AXDND1: variants seen among roughly 807,000 people sequenced by gnomAD.
AXDND1 encodes the protein axonemal dynein light chain domain containing 1.
Under a neutral mutation model 137.5 loss-of-function variants are expected in AXDND1, and 110 were observed. The ratio of observed to expected loss-of-function variants is 0.80; its 90% CI spans 0.69 to 0.94. AXDND1 has a LOEUF of 0.94. Ranked by LOEUF, AXDND1 falls within the 40% of genes least tolerant of loss-of-function variation. The pLI is 0.00. For missense variants in AXDND1, 1,191 were observed against 1,169.8 expected, an observed-to-expected ratio of 1.02 and a Z score of -0.26; for synonymous variants, 414 against 399.7, an observed-to-expected ratio of 1.04 and a Z score of -0.43.
At chr1:179,503,351 A>G (rs1005279996) in intron 20 of AXDND1, among the ~76,000 whole-genome samples, 2 of 151,952 alleles carry the variant, frequency 1.3e-5, no homozygotes, top group Non-Finnish European at 2.9e-5. Flanking sequence ...TATAAAATTT[A>G]TGTACAACAT....
chr1:179,402,179 A>AT (rs2125176939), intron 11 of AXDND1, among the ~76,000 whole-genome samples: 1 of 152,062 alleles, frequency 6.6e-6, no homozygotes, highest in Non-Finnish European at 1.5e-5. Flanking sequence ...AAAAAAAAAA[A>AT]AAATCACCCT....
chr1:179,519,419 T>A (rs1669852213), intron 21 of AXDND1, among the ~76,000 whole-genome samples: 1 of 152,238 alleles, frequency 6.6e-6, no homozygotes, highest in African/African-American at 2.4e-5. Context: ...TTTTTGCTTC[T>A]GTTGCAATTG....
chr1:179,393,184 T>C (rs920167250), intron 9 of AXDND1, among the ~76,000 whole-genome samples: 2 of 152,228 alleles, frequency 1.3e-5, no homozygotes, highest in African/African-American at 4.8e-5. Flanking sequence ...CTTCTACATA[T>C]GGCTTGCCAA....
rs1345156350 is a variant in AXDND1 at position 179,379,263 on chromosome 1, T to A, written c.496-134T>A. The A allele has an allele frequency of 4.5e-6, 4 of 882,284 alleles. No homozygotes were observed. In the African/African-American group the frequency reaches 6.9e-5, roughly 15 times the overall value. The allele number at this position is 882,284 out of a possible 1,614,324, so 54.7% of individuals were successfully genotyped here. The stretch of plus-strand genomic sequence containing the variant: ...TTTGCTATGACCCACATTGCTAATA[T>A]TGTTATTTCTCCAATCAAAATTTTT... On this transcript the variant is annotated intron_variant, in intron 5 of 25. Transcript: ENST00000367618.
chr1:179,546,754 T>C (rs532228977), intron 25 of AXDND1, among the ~76,000 whole-genome samples: 24 of 152,208 alleles, frequency 1.6e-4, no homozygotes, highest in South Asian at 8.3e-4. Context: ...CATACCATAG[T>C]GTACTTAAGG....
chr1:179,456,902 TC>T (rs1661490063), intron 16 of AXDND1: 19 of 1,058,238 alleles, frequency 1.8e-5, no homozygotes, highest in Non-Finnish European at 2.2e-5. Flanking sequence ...AGGCAAAGCC[TC>T]TTTTCTTGCC....
chr1:179,541,673 ATAATAATAT>A (rs1672169015), intron 25 of AXDND1, among the ~76,000 whole-genome samples: 2 of 135,456 alleles, frequency 1.5e-5, no homozygotes, highest in Admixed American at 7.5e-5. Flanking sequence ...GATAATATGC[ATAATAATAT>A]TGCATGATAA....
At chr1:179,544,846 A>T (rs1384567442) in intron 25 of AXDND1, 1 of 152,172 alleles carries the variant, frequency 6.6e-6, no homozygotes, top group African/African-American at 2.4e-5. Flanking sequence ...CAGAAGGTAA[A>T]ACTGAGGCCC....
chr1:179,513,751 G>T (rs550443730), intron 21 of AXDND1, among the ~76,000 whole-genome samples: 1 of 151,936 alleles, frequency 6.6e-6, no homozygotes, highest in East Asian at 1.9e-4. Context: ...GCTTGCTATT[G>T]GTCTGTTCAG....
intron 25 of AXDND1, chr1:179,550,571 G>A (rs1673110077): frequency 1.3e-5 from 2 of 152,896 alleles, no homozygotes; most frequent in Non-Finnish European, 2.9e-5. Context: ...GGGATAAATT[G>A]TATATCCGAC....
intron 15 of AXDND1, among the ~76,000 whole-genome samples, chr1:179,444,414 T>A (rs1659441517): frequency 6.6e-6 from 1 of 152,094 alleles, no homozygotes; most frequent in African/African-American, 2.4e-5. Flanking sequence ...CCATGCTAAT[T>A]ACTCTTATTG....
At chr1:179,393,796 C>G (rs1650576163) in intron 9 of AXDND1, 107 bp from the exon 10 acceptor site, 1 of 824,614 alleles carries the variant, frequency 1.2e-6, no homozygotes. Context: ...GCTTGGTTTT[C>G]TTGGTGTATA....
At chr1:179,441,221 A>G (rs1658938200) in intron 15 of AXDND1, among the ~76,000 whole-genome samples, 1 of 152,218 alleles carries the variant, frequency 6.6e-6, no homozygotes, top group Admixed American at 6.5e-5. Context: ...TGTTACAGCA[A>G]GGACAAAGTC....
At position 179,525,367 on chromosome 1, in the gene AXDND1, G is replaced by A. The variant is rs1329409050; in HGVS notation, c.2530G>A (p.Asp844Asn). Residue 844 changes from aspartate to asparagine, a missense_variant, in exon 22 of 26, where the codon GAC becomes AAC. Physicochemically the swap from Asp to Asn is conservative, Grantham distance 23 (BLOSUM62 1). Coordinates refer to ENST00000367618, the MANE Select transcript of AXDND1 (RefSeq NM_144696.6). ...AAAAGAATTCATTGAGCCTGAAATA[G>A]ACGAGTCTTTTAAAGAAGATGAAGA... ...AVKEFIEPEI[D>N]ESFKEDEEES... 1 of 1,612,216 alleles carries A rather than the reference G, an allele frequency of 6.2e-7. No individual in the cohort carries two copies. Among genetic ancestry groups the A allele is most frequent in the Non-Finnish European group, 8.5e-7 (1 of 1,178,840 alleles).
chr1:179,388,943 A>G (rs1000380519), intron 9 of AXDND1, among the ~76,000 whole-genome samples: 2 of 148,242 alleles, frequency 1.3e-5, no homozygotes, highest in African/African-American at 5.0e-5. Flanking sequence ...CTCATCAAAT[A>G]TAATAATTTT....
intron 21 of AXDND1, among the ~76,000 whole-genome samples, chr1:179,521,279 T>C (rs1670037035): frequency 1.3e-5 from 2 of 152,178 alleles, no homozygotes; most frequent in African/African-American, 4.8e-5. Flanking sequence ...GCTGTGACTT[T>C]ACTAAATTCT....
intron 12 of AXDND1, among the ~76,000 whole-genome samples, chr1:179,414,251 G>C (rs1297111795): frequency 1.3e-5 from 2 of 151,696 alleles, no homozygotes; most frequent in African/African-American, 4.8e-5. Context: ...GAAATGCAAA[G>C]AGGGAATAAA....
At chr1:179,435,734 C>T (rs1658059918) in intron 15 of AXDND1, among the ~76,000 whole-genome samples, 2 of 152,058 alleles carry the variant, frequency 1.3e-5, no homozygotes, top group South Asian at 4.1e-4. Context: ...CAATAAAAAC[C>T]CTAGAAGAAA....
chr1:179,421,244 G>T (rs1488537752), intron 12 of AXDND1, among the ~76,000 whole-genome samples: 1 of 151,460 alleles, frequency 6.6e-6, no homozygotes, highest in Non-Finnish European at 1.5e-5. Context: ...TCGAAGTCAG[G>T]TAGTGTGATG....
Sources: gnomAD v4.1 joint callset for allele counts (sites outside exome capture counted in the v4.1 genomes callset) on GRCh38, gnomAD v4.1.1 for gene constraint, MANE v1.5 for transcripts, NCBI Gene and HGNC (gene_info 2026-07-23, HGNC 2026-07-21) for gene names.